SLC16A7: variants seen among roughly 807,000 people sequenced by gnomAD.
SLC16A7 encodes the protein solute carrier family 16 member 7, also known as monocarboxylate transporter 2.
A neutral mutation model predicts 34.9 loss-of-function variants in SLC16A7; 33 were observed. That is an observed-to-expected ratio of 0.94 (90% confidence interval 0.72 to 1.26). The LOEUF (loss-of-function observed/expected upper bound fraction) is 1.26. SLC16A7 is among the 50% of genes most tolerant of loss of function. The pLI is 0.00. For synonymous variants in SLC16A7, 201 were observed against 206.6 expected, an observed-to-expected ratio of 0.97 and a Z score of 0.23; for missense variants, 573 against 578.1, an observed-to-expected ratio of 0.99 and a Z score of 0.09.
At position 59,619,281 on chromosome 12, in the gene SLC16A7, T is replaced by C. The variant is rs185879645; in HGVS notation, c.-130+23045T>C. ...GTATTACACAATCTCTGTGTAAAAT[T>C]GAATCGTGCAATCAAAGAATCTTGG... On this transcript the variant is annotated intron_variant, in intron 1 of 5. Coordinates refer to ENST00000547379, the MANE Select transcript of SLC16A7 (RefSeq NM_001270623.2). Among the ~76,000 whole-genome samples, 205 of 152,162 alleles carry C rather than the reference T, an allele frequency of 1.3e-3. 1 individual carries two copies. Among genetic ancestry groups the C allele is most frequent in the Non-Finnish European group, 1.3e-3 (90 of 67,974 alleles).
At chr12:59,703,970 G>A (rs562588061) in intron 2 of SLC16A7, among the ~76,000 whole-genome samples, 2 of 152,026 alleles carry the variant, frequency 1.3e-5, no homozygotes, top group African/African-American at 2.4e-5. Context: ...GGGAGGCTGA[G>A]GTGGGTGGAT....
chr12:59,691,096 A>G (rs2137095947), intron 2 of SLC16A7, among the ~76,000 whole-genome samples: 1 of 152,176 alleles, frequency 6.6e-6, no homozygotes, highest in South Asian at 2.1e-4. Flanking sequence ...CTCATTATAT[A>G]ATATTTAAAG....
At chr12:59,634,840 T>C (rs1355398341) in intron 1 of SLC16A7, among the ~76,000 whole-genome samples, 1 of 152,016 alleles carries the variant, frequency 6.6e-6, no homozygotes, top group Non-Finnish European at 1.5e-5. Flanking sequence ...AGGGAAATGA[T>C]TTATTTCTTT....
At chr12:59,606,078 G>A (rs1878924743) in intron 1 of SLC16A7, among the ~76,000 whole-genome samples, 2 of 151,960 alleles carry the variant, frequency 1.3e-5, no homozygotes, top group Admixed American at 6.6e-5. Flanking sequence ...TACTCCTGAG[G>A]CATTCCATTC....
chr12:59,659,579 A>G (rs1473228847), intron 2 of SLC16A7, among the ~76,000 whole-genome samples: 2 of 152,132 alleles, frequency 1.3e-5, no homozygotes, highest in Admixed American at 6.6e-5. Flanking sequence ...AATTAAAAAC[A>G]AGGAAAAATA....
At chr12:59,764,553 A>G (rs1222403342) in intron 3 of SLC16A7, among the ~76,000 whole-genome samples, 1 of 144,474 alleles carries the variant, frequency 6.9e-6, no homozygotes, top group African/African-American at 2.6e-5. Context: ...TCATTGTTCA[A>G]TTCCCACCTG....
At chr12:59,764,354 T>G (rs1004242683) in intron 3 of SLC16A7, among the ~76,000 whole-genome samples, 1 of 152,184 alleles carries the variant, frequency 6.6e-6, no homozygotes, top group Non-Finnish European at 1.5e-5. Context: ...TATTATACTT[T>G]AAGTTTTAGA....
At position 59,788,681 on chromosome 12, in the gene SLC16A7, T is replaced by C. The variant is rs1289930307; in HGVS notation, c.*9002T>C. 1 of 152,074 alleles carries C rather than the reference T, an allele frequency of 6.6e-6. No individual in the cohort carries two copies. The highest frequency in any genetic ancestry group is 1.5e-5 in the Non-Finnish European group (1 of 67,942). 9.4% of individuals were successfully genotyped at this position (152,074 alleles called of 1,614,324 possible). A position where few individuals can be genotyped will look rare whatever the true frequency, so the allele number is the denominator to read the frequency against. The stretch of plus-strand genomic sequence containing the variant: ...ATGTACTTAAAGTATTGTTATGTGA[T>C]CTTGGGATACTTATTTATTTTTGAA... On this transcript the variant is annotated 3_prime_UTR_variant, in exon 6 of 6. Transcript: ENST00000547379.
chr12:59,665,140 C>G (rs1264116590), intron 2 of SLC16A7, among the ~76,000 whole-genome samples: 1 of 151,894 alleles, frequency 6.6e-6, no homozygotes, highest in Non-Finnish European at 1.5e-5. Context: ...AGGAGAGATT[C>G]TGTATTGTAT....
intron 3 of SLC16A7, among the ~76,000 whole-genome samples, chr12:59,755,867 C>A (rs1319281358): frequency 6.6e-6 from 1 of 152,154 alleles, no homozygotes; most frequent in African/African-American, 2.4e-5. Context: ...TACTACAAGG[C>A]TACAGTCACC....
rs1014908116 is a variant in SLC16A7, at chr12:59,787,598, C to A, written c.*7919C>A. On this transcript the variant is annotated 3_prime_UTR_variant, in exon 6 of 6. Coordinates refer to ENST00000547379, the MANE Select transcript of SLC16A7 (RefSeq NM_001270623.2). Reference sequence around the variant, plus strand: ...GAGGGGTTGCTATTAGGAGTTTTCCCGGTAAAACTGTAAAAACAGTAATCT... The same window carrying A: ...GAGGGGTTGCTATTAGGAGTTTTCCAGGTAAAACTGTAAAAACAGTAATCT... 6.6e-6 allele frequency: 1 copy of A among 152,076 alleles called. No individual in the cohort carries two copies. Among genetic ancestry groups the A allele is most frequent in the African/African-American group, 2.4e-5 (1 of 41,406 alleles). The allele number at this position is 152,076 out of a possible 1,614,324, so 9.4% of individuals were successfully genotyped here. A position where few individuals can be genotyped will look rare whatever the true frequency, so the allele number is the denominator to read the frequency against.
intron 2 of SLC16A7, among the ~76,000 whole-genome samples, chr12:59,659,412 A>G (rs1868714402): frequency 6.6e-6 from 1 of 151,864 alleles, no homozygotes; most frequent in Admixed American, 6.6e-5. Context: ...TCCTCCTCCT[A>G]GCTTCCCACC....
chr12:59,649,177 A>G (rs761501512), intron 1 of SLC16A7, among the ~76,000 whole-genome samples: 9 of 152,168 alleles, frequency 5.9e-5, no homozygotes, highest in Non-Finnish European at 1.2e-4. Flanking sequence ...TTGGAGACAA[A>G]CTAATGTCTC....
At chr12:59,690,837 G>A (rs1055470868) in intron 2 of SLC16A7, among the ~76,000 whole-genome samples, 1 of 151,670 alleles carries the variant, frequency 6.6e-6, no homozygotes, top group African/African-American at 2.4e-5. Flanking sequence ...GGCATATTCC[G>A]GTCTTCTGTA....
At chr12:59,700,431 A>T (rs556077228) in intron 2 of SLC16A7, among the ~76,000 whole-genome samples, 1 of 150,326 alleles carries the variant, frequency 6.7e-6, no homozygotes, top group Admixed American at 6.7e-5. Flanking sequence ...TGTCATATGC[A>T]TATTATTACA....
At chr12:59,610,640 C>A (rs1879150496) in intron 1 of SLC16A7, among the ~76,000 whole-genome samples, 1 of 152,144 alleles carries the variant, frequency 6.6e-6, no homozygotes, top group African/African-American at 2.4e-5. Flanking sequence ...TCATCTTAAA[C>A]CTATTCCAGA....
chr12:59,695,954 T>C (rs1214742112), intron 2 of SLC16A7, among the ~76,000 whole-genome samples: 1 of 152,076 alleles, frequency 6.6e-6, no homozygotes, highest in Non-Finnish European at 1.5e-5. Context: ...GTCTGTCTTA[T>C]TATAAGCCAT....
At chr12:59,607,453 A>C (rs1291011497) in intron 1 of SLC16A7, among the ~76,000 whole-genome samples, 1 of 152,212 alleles carries the variant, frequency 6.6e-6, no homozygotes, top group African/African-American at 2.4e-5. Context: ...TGGGACGCTG[A>C]TTCTTAAACT....
chr12:59,698,638 G>A (rs145965738), intron 2 of SLC16A7, among the ~76,000 whole-genome samples: 2,379 of 151,838 alleles, frequency 0.016, 182 homozygotes, highest in Admixed American at 0.11. Flanking sequence ...TATAAGTTCC[G>A]TTGTTCACTG....
Sources: gnomAD v4.1 joint callset for allele counts (sites outside exome capture counted in the v4.1 genomes callset) on GRCh38, gnomAD v4.1.1 for gene constraint, MANE v1.5 for transcripts, NCBI Gene and HGNC (gene_info 2026-07-23, HGNC 2026-07-21) for gene names.